The following CCR5AS variants were observed in gnomAD, a reference collection of about 807,000 sequenced individuals.
CCR5AS encodes the protein CCR5 antisense RNA.
intron 1 of CCR5AS, among the ~76,000 whole-genome samples, chr3:46,405,041 A>T (rs1418109936): frequency 2.6e-5 from 4 of 152,224 alleles, no homozygotes; most frequent in Non-Finnish European, 5.9e-5. Context: ...ATGTCGTTTC[A>T]CAAACAAGGA....
At chr3:46,365,788 T>C (rs1701593242) in intron 3 of CCR5AS, among the ~76,000 whole-genome samples, 1 of 152,200 alleles carries the variant, frequency 6.6e-6, no homozygotes, top group Non-Finnish European at 1.5e-5. Context: ...ACCCAGAAAG[T>C]AGGACCCAAT....
chr3:46,406,385 T>A (rs548124320), intron 1 of CCR5AS, among the ~76,000 whole-genome samples: 1 of 152,040 alleles, frequency 6.6e-6, no homozygotes, highest in African/African-American at 2.4e-5. Flanking sequence ...TTCAAGTTCC[T>A]CTTCTCGGTT....
At chr3:46,394,606 G>A (rs528853720) in intron 1 of CCR5AS, among the ~76,000 whole-genome samples, 11 of 152,254 alleles carry the variant, frequency 7.2e-5, no homozygotes, top group East Asian at 3.9e-4. Context: ...CCCAGCCAGC[G>A]AGACGTCCTG....
rs373374519 is a variant in CCR5AS, at chr3:46,378,725, C to T, written n.392-7308G>A. Among the ~76,000 whole-genome samples, 5 of 152,296 alleles carry T rather than the reference C, an allele frequency of 3.3e-5. No homozygotes were observed. The East Asian group carries it at 9.7e-4, about 29-fold the overall frequency. ...CTCAGGGTAGGTAGTGCACAGCTCA[C>T]ATTCATCATTTCTGAAAACCGAGAG... On this transcript the variant is annotated intron_variant and non_coding_transcript_variant, in intron 2 of 3. Transcript: ENST00000451485.
At chr3:46,389,177 G>A (rs1701887267) in intron 2 of CCR5AS, among the ~76,000 whole-genome samples, 1 of 152,164 alleles carries the variant, frequency 6.6e-6, no homozygotes. Context: ...GATGTATTAG[G>A]CTCATAAGGG....
At chr3:46,393,716 C>T (rs1479570733) in intron 1 of CCR5AS, among the ~76,000 whole-genome samples, 1 of 152,136 alleles carries the variant, frequency 6.6e-6, no homozygotes, top group Non-Finnish European at 1.5e-5. Flanking sequence ...GGTCAAGAGG[C>T]AATTGCAACA....
intron 2 of CCR5AS, among the ~76,000 whole-genome samples, chr3:46,391,154 T>A (rs373163997): frequency 6.6e-6 from 1 of 152,278 alleles, no homozygotes; most frequent in Middle Eastern, 3.4e-3. Context: ...CTCGCACAGA[T>A]GGGACATTCC....
rs944720013 is a variant in CCR5AS at position 46,372,832 on chromosome 3, T to C, written n.392-1415A>G. ...TGATGTATAAAACAGTTTGCATTCA[T>C]GGAGGGCAACTAAATACATTCTAGG... On this transcript the variant is annotated intron_variant and non_coding_transcript_variant, in intron 2 of 3. Coordinates refer to ENST00000451485, the Ensembl canonical transcript of CCR5AS. 4 of 1,223,222 alleles carry C rather than the reference T, an allele frequency of 3.3e-6. No homozygotes were observed. The African/African-American group carries it at 4.5e-5, about 14-fold the overall frequency. 75.8% of individuals were successfully genotyped at this position (1,223,222 alleles called of 1,614,324 possible).
At chr3:46,384,906 T>C (rs200785076) in intron 2 of CCR5AS, among the ~76,000 whole-genome samples, 2,026 of 69,372 alleles carry the variant, frequency 0.029, 46 homozygotes, top group African/African-American at 0.11. Flanking sequence ...GATAGATAGA[T>C]AGATAGACAG....
At chr3:46,385,982 G>T (rs1321733246) in intron 2 of CCR5AS, among the ~76,000 whole-genome samples, 1 of 151,970 alleles carries the variant, frequency 6.6e-6, no homozygotes, top group Non-Finnish European at 1.5e-5. Context: ...CACTTTGTTG[G>T]CTCGCTGCAA....
chr3:46,372,657 C>G (rs1369958915), intron 2 of CCR5AS: 3 of 367,028 alleles, frequency 8.2e-6, no homozygotes, highest in Non-Finnish European at 9.9e-6. Context: ...TGAGATGGTG[C>G]TTTCATGAAT....
chr3:46,385,835 G>A (rs142186621), intron 2 of CCR5AS, among the ~76,000 whole-genome samples: 89 of 152,158 alleles, frequency 5.8e-4, no homozygotes, highest in African/African-American at 2.0e-3. Context: ...CTGCCTCCAG[G>A]GTTCAGGCCA....
chr3:46,390,104 G>A (rs561735948), intron 2 of CCR5AS, among the ~76,000 whole-genome samples: 1 of 152,260 alleles, frequency 6.6e-6, no homozygotes, highest in East Asian at 1.9e-4. Flanking sequence ...ATGAGAAAGG[G>A]CCTGGCCAAA....
chr3:46,368,284 G>A (rs761207851), intron 3 of CCR5AS, among the ~76,000 whole-genome samples: 2 of 152,312 alleles, frequency 1.3e-5, no homozygotes, highest in Non-Finnish European at 2.9e-5. Context: ...GTGTCCGAAT[G>A]TACTTAATAA....
At chr3:46,386,799 T>C (rs1207717468) in intron 2 of CCR5AS, among the ~76,000 whole-genome samples, 2 of 152,222 alleles carry the variant, frequency 1.3e-5, no homozygotes, top group Non-Finnish European at 2.9e-5. Flanking sequence ...AAAGAGTCCT[T>C]ATCTCTTAAG....
At chr3:46,399,338 C>T (rs1027985193) in intron 1 of CCR5AS, among the ~76,000 whole-genome samples, 2 of 152,084 alleles carry the variant, frequency 1.3e-5, no homozygotes, top group Non-Finnish European at 2.9e-5. Flanking sequence ...TGTGGGTGAA[C>T]CCAGGGAGAC....
intron 2 of CCR5AS, chr3:46,374,022 A>G: frequency 1.6e-6 from 2 of 1,287,362 alleles, no homozygotes; most frequent in Non-Finnish European, 2.2e-6. Context: ...GTTTTCATAC[A>G]CAGCCTGGGC....
At chr3:46,401,751 A>ATTATTAATTTAATTAATAATATTAAT (rs1183546739) in intron 1 of CCR5AS, among the ~76,000 whole-genome samples, 10 of 150,042 alleles carry the variant, frequency 6.7e-5, no homozygotes, top group Middle Eastern at 3.3e-3. Flanking sequence ...ATATTTATTT[A>ATTATTAATTTAATTAATAATATTAAT]TTATTAATTT....
chr3:46,368,744 C>T (rs1701625495), intron 3 of CCR5AS, among the ~76,000 whole-genome samples: 1 of 152,222 alleles, frequency 6.6e-6, no homozygotes, highest in Admixed American at 6.5e-5. Flanking sequence ...GGTCACACAG[C>T]AAGTCAGCAG....
Sources: gnomAD v4.1 joint callset for allele counts (sites outside exome capture counted in the v4.1 genomes callset) on GRCh38, gnomAD v4.1.1 for gene constraint, MANE v1.5 for transcripts, NCBI Gene and HGNC (gene_info 2026-07-23, HGNC 2026-07-21) for gene names.